The following MTG1 variants were observed in gnomAD, a reference collection of about 807,000 sequenced individuals.
The protein encoded by MTG1 is mitochondrial ribosome-associated GTPase 1.
A neutral mutation model predicts 39.5 loss-of-function variants in MTG1; 30 were observed. The ratio of observed to expected loss-of-function variants is 0.76; its 90% CI spans 0.57 to 1.03. MTG1 has a LOEUF of 1.03. Ranked by LOEUF, MTG1 falls within the 50% of genes least tolerant of loss-of-function variation. The probability of loss-of-function intolerance (pLI) is 0.00; values close to 1 mark genes in which losing one functional copy is unlikely to be tolerated. For synonymous variants in MTG1, 217 were observed against 179.0 expected (o/e 1.21, Z -1.69); for missense variants, 513 against 447.4 (o/e 1.15, Z -1.32).
chr10:133,415,981 GTCGGCACGCGGGT>G, intron 9 of MTG1, among the ~76,000 whole-genome samples: 1 of 135,898 alleles, frequency 7.4e-6, no homozygotes, highest in Non-Finnish European at 1.6e-5. Flanking sequence ...GCAGGCGGGT[GTCGGCACGCGGGT>G]GTCGGGCAGG....
chr10:133,412,235 G>C (rs1449408530), intron 9 of MTG1, among the ~76,000 whole-genome samples: 1 of 152,144 alleles, frequency 6.6e-6, no homozygotes, highest in African/African-American at 2.4e-5. Flanking sequence ...AGGGAAGCCA[G>C]ATTGCTTCTA....
At position 133,420,022 on chromosome 10, in the gene MTG1, C is replaced by T. The variant is rs767547060; in HGVS notation, c.866-4C>T. 6.2e-7 allele frequency: 1 copy of T among 1,606,206 alleles called. No individual in the cohort carries two copies. The highest frequency in any genetic ancestry group is 2.2e-5 in the East Asian group (1 of 44,760). Reference sequence around the variant, plus strand: ...CTTCCTCACTGAACCCTCCCGTCCCCCAGGTAACGTGAACATTATTCAGCC... The same window carrying T: ...CTTCCTCACTGAACCCTCCCGTCCCTCAGGTAACGTGAACATTATTCAGCC... On this transcript the variant is annotated splice_region_variant and splice_polypyrimidine_tract_variant and intron_variant, in intron 10 of 10. Coordinates refer to ENST00000317502, the MANE Select transcript of MTG1 (RefSeq NM_138384.4).
chr10:133,418,047 A>G (rs908520228), intron 9 of MTG1, among the ~76,000 whole-genome samples: 19 of 152,212 alleles, frequency 1.2e-4, no homozygotes, highest in African/African-American at 4.6e-4. Flanking sequence ...TCGCCCAGCC[A>G]GGCTACAGTG....
chr10:133,412,317 T>A (rs542756884), intron 9 of MTG1, among the ~76,000 whole-genome samples: 16 of 152,246 alleles, frequency 1.1e-4, no homozygotes, highest in Non-Finnish European at 2.2e-4. Flanking sequence ...AATGGTATTG[T>A]TTTTATGTTC....
rs1371674333 is a variant in MTG1, at chr10:133,396,216, T to A, written c.231T>A (p.Pro77=). 2 of 1,614,106 alleles carry A rather than the reference T, an allele frequency of 1.2e-6. No homozygotes were observed. Among genetic ancestry groups the A allele is most frequent in the African/African-American group, 2.7e-5 (2 of 74,946 alleles). The stretch of plus-strand genomic sequence containing the variant: ...TTCAGGAAACCCTTGGGCTTAAGCC[T>A]CACTTGCTGGTCCTCAACAAGATGG... ...PLFQETLGLK[P]HLLVLNKMDL... Residue 77 remains proline (P), a synonymous_variant, in exon 3 of 11, where the codon CCT becomes CCA. Coordinates refer to ENST00000317502, the MANE Select transcript of MTG1 (RefSeq NM_138384.4).
At chr10:133,395,645 T>C in intron 1 of MTG1, 68 bp from the exon 2 acceptor site, 1 of 1,484,612 alleles carries the variant, frequency 6.7e-7, no homozygotes, top group Non-Finnish European at 9.4e-7. Context: ...TTCTGGACGG[T>C]TCAGCTTGAA....
At chr10:133,414,229 G>T (rs1850087890) in intron 9 of MTG1, among the ~76,000 whole-genome samples, 1 of 150,644 alleles carries the variant, frequency 6.6e-6, no homozygotes, top group African/African-American at 2.5e-5. Context: ...CACAGGGTTG[G>T]GGGTAAGGTC....
At chr10:133,404,162 C>T (rs1426851660) in intron 9 of MTG1, among the ~76,000 whole-genome samples, 1 of 115,000 alleles carries the variant, frequency 8.7e-6, no homozygotes. Context: ...GACAGGGTCT[C>T]AGTTACCCAG....
At chr10:133,415,733 CTGGG>C in intron 9 of MTG1, among the ~76,000 whole-genome samples, 1 of 152,330 alleles carries the variant, frequency 6.6e-6, no homozygotes, top group South Asian at 2.1e-4. Context: ...ATTTTTGGAT[CTGGG>C]TCTTTGTAGT....
chr10:133,396,057 C>A, intron 2 of MTG1, 106 bp from the exon 3 acceptor site: 2 of 1,076,506 alleles, frequency 1.9e-6, no homozygotes, highest in Non-Finnish European at 1.4e-6. Flanking sequence ...TTCTCCTGTA[C>A]TTGAGGAATG....
At chr10:133,396,068 A>C in intron 2 of MTG1, 95 bp from the exon 3 acceptor site, 1 of 1,144,714 alleles carries the variant, frequency 8.7e-7, no homozygotes, top group Non-Finnish European at 1.3e-6. Flanking sequence ...TTGAGGAATG[A>C]ATTGGCAGGA....
At position 133,420,179 on chromosome 10, in the gene MTG1, G is replaced by A. The variant is rs1249563162; in HGVS notation, c.*14G>A. The A allele has an allele frequency of 1.3e-6, 2 of 1,599,650 alleles. No individual in the cohort carries two copies. Among genetic ancestry groups the A allele is most frequent in the Non-Finnish European group, 1.7e-6 (2 of 1,173,046 alleles). On this transcript the variant is annotated 3_prime_UTR_variant, in exon 11 of 11. Coordinates refer to ENST00000317502, the MANE Select transcript of MTG1 (RefSeq NM_138384.4). Reference sequence around the variant, plus strand: ...ACTTTGCCCTGAACTTGTCCGGGTAGGGAGGGCCGGAGGCATGTGGCCTCC... The same window carrying A: ...ACTTTGCCCTGAACTTGTCCGGGTAAGGAGGGCCGGAGGCATGTGGCCTCC...
chr10:133,402,906 G>T lies in MTG1; in HGVS notation c.752+133G>T, dbSNP rs189698421. ...CGGTAACCTGCACATCGTTTAAAGC[G>T]TCCAGTTGGACAAGTTCGGGAGTAT... On this transcript the variant is annotated intron_variant, in intron 9 of 10. Transcript: ENST00000317502. The surrounding 1 kb of genome is among the most constrained non-coding windows in gnomAD (Gnocchi z 4.7). The T allele has an allele frequency of 7.3e-6, 5 of 685,840 alleles. No individual in the cohort carries two copies. Among genetic ancestry groups the T allele is most frequent in the Non-Finnish European group, 9.6e-6 (4 of 414,760 alleles). The allele number at this position is 685,840 out of a possible 1,614,324, so 42.5% of individuals were successfully genotyped here.
At chr10:133,398,334 A>G in intron 3 of MTG1, 101 bp from the exon 4 acceptor site, 1 of 1,121,312 alleles carries the variant, frequency 8.9e-7, no homozygotes, top group Non-Finnish European at 1.3e-6. Context: ...AGGGAGGCGG[A>G]GGTTGCAGGG....
intron 1 of MTG1, chr10:133,394,899 G>A (rs1313580715): frequency 4.4e-6 from 1 of 225,840 alleles, no homozygotes; most frequent in Non-Finnish European, 7.4e-6. Context: ...CGCGTGTACT[G>A]GGGGCCGAGG....
rs1181611385 is a variant in MTG1, at chr10:133,394,232, C to T, written c.12C>T (p.Thr4=). Residue 4 remains threonine (T), a synonymous_variant, in exon 1 of 11, where the codon ACC becomes ACT. Coordinates refer to ENST00000317502, the MANE Select transcript of MTG1 (RefSeq NM_138384.4). The part of the protein sequence containing the change: MRL[T]PRALCSAAQA... ...GGGACGGTGCCGCCATGAGATTGAC[C>T]CCGCGCGCGCTGTGCAGCGCCGCCC... The T allele has an allele frequency of 2.0e-6, 3 of 1,516,770 alleles. No individual in the cohort carries two copies. Among genetic ancestry groups the T allele is most frequent in the Non-Finnish European group, 2.6e-6 (3 of 1,137,162 alleles). The allele number at this position is 1,516,770 out of a possible 1,614,324, so 94.0% of individuals were successfully genotyped here. A position where few individuals can be genotyped will look rare whatever the true frequency, so the allele number is the denominator to read the frequency against.
chr10:133,415,968 C>CG (rs1458310361), intron 9 of MTG1, among the ~76,000 whole-genome samples: 2 of 99,858 alleles, frequency 2.0e-5, no homozygotes, highest in Non-Finnish European at 4.5e-5. Flanking sequence ...ACGCGGGTGT[C>CG]GGGCAGGCGG....
chr10:133,399,658 T>A (rs1218946572), intron 6 of MTG1, 39 bp downstream of exon 6: 4 of 1,595,624 alleles, frequency 2.5e-6, no homozygotes, highest in Non-Finnish European at 3.4e-6. Context: ...GGAAAGGTAC[T>A]GGCGCGTGTG....
intron 1 of MTG1, among the ~76,000 whole-genome samples, chr10:133,395,202 T>C (rs540304179): frequency 6.6e-6 from 1 of 152,274 alleles, no homozygotes; most frequent in African/African-American, 2.4e-5. Context: ...GAGACTATCC[T>C]GGCCAGCATG....
Sources: gnomAD v4.1 joint callset for allele counts (sites outside exome capture counted in the v4.1 genomes callset) on GRCh38, gnomAD v4.1.1 for gene constraint, Gnocchi (gnomAD v3.1) non-coding constraint, MANE v1.5 for transcripts, NCBI Gene and HGNC (gene_info 2026-07-23, HGNC 2026-07-21) for gene names.